Variants in UBE3D observed in about 807,000 individuals in gnomAD.
UBE3D encodes the protein ubiquitin protein ligase E3D.
A neutral mutation model predicts 49.6 loss-of-function variants in UBE3D; 48 were observed. The ratio of observed to expected loss-of-function variants is 0.97; its 90% CI spans 0.77 to 1.23. The LOEUF is 1.23. UBE3D is among the 50% of genes most tolerant of loss of function. The probability of loss-of-function intolerance (pLI) is 0.00; values close to 1 mark genes in which losing one functional copy is unlikely to be tolerated. For synonymous variants in UBE3D, 189 were observed against 174.2 expected (o/e 1.08, Z -0.67); for missense variants, 452 against 468.4 (o/e 0.96, Z 0.32).
At chr6:83,042,974 G>C (rs6927059) in intron 4 of UBE3D, among the ~76,000 whole-genome samples, 1 of 152,164 alleles carries the variant, frequency 6.6e-6, no homozygotes, top group Non-Finnish European at 1.5e-5. Flanking sequence ...TTTCATCTAG[G>C]CTAACTTGAA....
In UBE3D at chr6:82,985,008, CTTTTT is replaced by C. The variant is rs70987727; in HGVS notation, c.1011-27563_1011-27559del. ...AATTTTTTTCTTTCTTCTTCTTCTT[CTTTTT>C]TTTTTTTTTTTTTTTTTTTGGTAGA... On this transcript the variant is annotated intron_variant, in intron 8 of 9. Transcript: ENST00000369747. Among the ~76,000 whole-genome samples, 154 of 52,996 alleles carry C rather than the reference CTTTTT, an allele frequency of 2.9e-3. 2 individuals carry two copies. Among genetic ancestry groups the C allele is most frequent in the African/African-American group, 8.1e-3 (110 of 13,640 alleles). The allele number at this position is 52,996 out of a possible 152,430, so 34.8% of individuals were successfully genotyped here.
intron 8 of UBE3D, among the ~76,000 whole-genome samples, chr6:82,979,046 A>C (rs1052788033): frequency 5.3e-5 from 8 of 152,168 alleles, no homozygotes; most frequent in East Asian, 1.9e-4. Flanking sequence ...AGACCTGGGA[A>C]AATCAAAACT....
intron 8 of UBE3D, among the ~76,000 whole-genome samples, chr6:82,998,404 T>C (rs901866171): frequency 6.6e-6 from 1 of 152,202 alleles, no homozygotes; most frequent in Non-Finnish European, 1.5e-5. Context: ...ACATAATAAA[T>C]GTCAAATTAA....
intron 8 of UBE3D, among the ~76,000 whole-genome samples, chr6:82,991,733 T>A (rs1778898609): frequency 6.6e-6 from 1 of 152,162 alleles, no homozygotes; most frequent in African/African-American, 2.4e-5. Flanking sequence ...TAGCAATCCC[T>A]GAGCAGTTAA....
chr6:82,991,129 C>A (rs1036596486), intron 8 of UBE3D, among the ~76,000 whole-genome samples: 1 of 152,268 alleles, frequency 6.6e-6, no homozygotes, highest in South Asian at 2.1e-4. Flanking sequence ...TGGATTCTCA[C>A]AGAAGGAGTG....
At chr6:83,019,209 CAAAA>C in intron 7 of UBE3D, 73 bp from the exon 8 acceptor site, 1 of 1,322,482 alleles carries the variant, frequency 7.6e-7, no homozygotes, top group East Asian at 2.6e-5. Flanking sequence ...TTTTCAAAAA[CAAAA>C]AAGAGACTAT....
chr6:83,012,579 C>G (rs981685919), intron 8 of UBE3D, among the ~76,000 whole-genome samples: 19 of 152,106 alleles, frequency 1.2e-4, no homozygotes, highest in African/African-American at 4.6e-4. Context: ...TATTAAAATC[C>G]TTCTCTGCTG....
At chr6:82,946,243 G>A (rs1316849770) in intron 9 of UBE3D, among the ~76,000 whole-genome samples, 1 of 152,016 alleles carries the variant, frequency 6.6e-6, no homozygotes. Context: ...ATAAAGAAAG[G>A]AGCCTAAAAG....
chr6:82,920,861 A>G lies in UBE3D; in HGVS notation c.1150-27819T>C, dbSNP rs553132569. Reference sequence around the variant, plus strand: ...CAAACAAACAAACAAAAAAGGAAGAAAAGATTTAACGCCCATTTTTTCCAG... The same window carrying G: ...CAAACAAACAAACAAAAAAGGAAGAGAAGATTTAACGCCCATTTTTTCCAG... On this transcript the variant is annotated intron_variant, in intron 9 of 9. Coordinates refer to ENST00000369747, the MANE Select transcript of UBE3D (RefSeq NM_198920.3). Among the ~76,000 whole-genome samples the G allele has an allele frequency of 3.5e-4, 53 of 152,332 alleles. 1 individual carries two copies. Among genetic ancestry groups the G allele is most frequent in the African/African-American group, 1.2e-3 (49 of 41,568 alleles).
intron 8 of UBE3D, among the ~76,000 whole-genome samples, chr6:82,995,432 G>A (rs565447216): frequency 1.3e-5 from 2 of 149,570 alleles, no homozygotes; most frequent in African/African-American, 4.9e-5. Flanking sequence ...TTAAAAGTAA[G>A]TTATAGGGTG....
chr6:83,020,680 A>G (rs997366685), intron 7 of UBE3D, among the ~76,000 whole-genome samples: 1 of 152,238 alleles, frequency 6.6e-6, no homozygotes, highest in African/African-American at 2.4e-5. Flanking sequence ...TACTATCAAA[A>G]TCAGTCAGAA....
At chr6:82,923,129 A>C (rs1773476471) in intron 9 of UBE3D, among the ~76,000 whole-genome samples, 1 of 152,198 alleles carries the variant, frequency 6.6e-6, no homozygotes, top group African/African-American at 2.4e-5. Context: ...AATTAGTTCA[A>C]CCATTGTGGA....
At chr6:83,025,567 C>T (rs1469131435) in intron 5 of UBE3D, among the ~76,000 whole-genome samples, 1 of 151,976 alleles carries the variant, frequency 6.6e-6, no homozygotes, top group Non-Finnish European at 1.5e-5. Context: ...TTCCGGAAAG[C>T]CACTTGGCAA....
At chr6:82,963,059 A>G (rs1202826410) in intron 8 of UBE3D, among the ~76,000 whole-genome samples, 2 of 152,210 alleles carry the variant, frequency 1.3e-5, no homozygotes, top group African/African-American at 4.8e-5. Context: ...AATCACATAA[A>G]ATATTACTTT....
Position 83,056,284 on chromosome 6 carries a change from A to G in UBE3D, c.274+1542T>C, listed in dbSNP as rs150643259. 7.4e-4 allele frequency among the ~76,000 whole-genome samples: 112 copies of G among 152,090 alleles called. No individual in the cohort carries two copies. In the East Asian group the frequency reaches 0.017, roughly 23 times the overall value. The stretch of plus-strand genomic sequence containing the variant: ...CTCTAAAATCACAATCCCAGAAAAC[A>G]CTCCACTGTGGCTTTCATGCTTGCC... On this transcript the variant is annotated intron_variant, in intron 2 of 9. Transcript: ENST00000369747.
At chr6:83,006,076 T>C (rs1779957942) in intron 8 of UBE3D, among the ~76,000 whole-genome samples, 2 of 151,934 alleles carry the variant, frequency 1.3e-5, no homozygotes, top group African/African-American at 2.4e-5. Context: ...AATACAAAAA[T>C]TAGCCAGGCA....
At chr6:82,974,894 T>A (rs1228531659) in intron 8 of UBE3D, among the ~76,000 whole-genome samples, 1 of 152,070 alleles carries the variant, frequency 6.6e-6, no homozygotes, top group Non-Finnish European at 1.5e-5. Context: ...AATGTTAAAG[T>A]GAGGAAAGCT....
At chr6:82,956,064 G>A (rs539507388) in intron 9 of UBE3D, among the ~76,000 whole-genome samples, 4 of 152,294 alleles carry the variant, frequency 2.6e-5, no homozygotes, top group African/African-American at 9.6e-5. Flanking sequence ...ATGTAAATAA[G>A]ATTGGAGCAG....
intron 9 of UBE3D, among the ~76,000 whole-genome samples, chr6:82,896,047 C>A (rs1771293168): frequency 6.6e-6 from 1 of 152,126 alleles, no homozygotes; most frequent in Non-Finnish European, 1.5e-5. Context: ...ATTTGCCGAG[C>A]ACATTATGTA....
Sources: gnomAD v4.1 joint callset for allele counts (sites outside exome capture counted in the v4.1 genomes callset) on GRCh38, gnomAD v4.1.1 for gene constraint, MANE v1.5 for transcripts, NCBI Gene and HGNC (gene_info 2026-07-23, HGNC 2026-07-21) for gene names.